EHBP1: variants seen among roughly 807,000 people sequenced by gnomAD.
The protein encoded by EHBP1 is EH domain binding protein 1, also known as EH domain-binding protein 1.
Under a neutral mutation model 144.0 loss-of-function variants are expected in EHBP1, and 55 were observed. The observed-to-expected ratio is 0.38, with a 90% CI of 0.31 to 0.48. The LOEUF is 0.48. EHBP1 is among the 20% of genes least tolerant of loss of function. The pLI, the probability that EHBP1 is intolerant of heterozygous loss-of-function variation, is 0.98. For missense variants in EHBP1, 1,200 were observed against 1,364.2 expected (o/e 0.88, Z 1.90); for synonymous variants, 469 against 472.7 (o/e 0.99, Z 0.10).
chr2:62,937,959 T>C (rs2056492394), intron 10 of EHBP1, among the ~76,000 whole-genome samples: 1 of 152,100 alleles, frequency 6.6e-6, no homozygotes, highest in South Asian at 2.1e-4. Context: ...GAAAGACCTA[T>C]TAGGAAGATT....
intron 19 of EHBP1, among the ~76,000 whole-genome samples, chr2:63,019,931 G>A (rs553871924): frequency 5.3e-5 from 8 of 151,876 alleles, no homozygotes; most frequent in African/African-American, 7.2e-5. Context: ...GCTCATGCCT[G>A]TAATTCTAGC....
intron 9 of EHBP1, among the ~76,000 whole-genome samples, chr2:62,867,513 T>A (rs2050134292): frequency 6.6e-6 from 1 of 152,052 alleles, no homozygotes; most frequent in South Asian, 2.1e-4. Context: ...CAGGGATAAA[T>A]TTGAACAAAG....
intron 2 of EHBP1, among the ~76,000 whole-genome samples, chr2:62,711,104 A>G (rs1430598143): frequency 2.6e-5 from 4 of 152,210 alleles, no homozygotes; most frequent in African/African-American, 9.6e-5. Flanking sequence ...CAGTAATTCA[A>G]ACAGCAGAGT....
Position 62,745,727 on chromosome 2 carries a change from G to A in EHBP1, c.105-1668G>A, listed in dbSNP as rs143005120. On this transcript the variant is annotated intron_variant, in intron 2 of 22. Coordinates refer to ENST00000431489, the MANE Select transcript of EHBP1 (RefSeq NM_001142616.3). ...TAGGGTCTAGATAGATCATTTTAAG[G>A]AGTGAAGCTGGTCAGGTGTGAAGCA... 9.0e-3 allele frequency among the ~76,000 whole-genome samples: 1,376 copies of A among 152,130 alleles called. 15 individuals are homozygous for A. Among genetic ancestry groups the A allele is most frequent in the Middle Eastern group, 0.02 (6 of 294 alleles).
intron 10 of EHBP1, among the ~76,000 whole-genome samples, chr2:62,904,012 G>C (rs756731347): frequency 6.6e-6 from 1 of 151,972 alleles, no homozygotes; most frequent in Non-Finnish European, 1.5e-5. Flanking sequence ...TCTATGTTTT[G>C]GTTTATTTTT....
chr2:62,997,428 A>ATGTG lies in EHBP1; in HGVS notation c.3103+708_3103+711dup, dbSNP rs70962800. ...ACAATAAGCAATTGGAAAGGAACTC[A>ATGTG]TGTGTGTGTGTGTGTGTGTGTGTGT... On this transcript the variant is annotated intron_variant, in intron 19 of 22. Transcript: ENST00000431489. 5.5e-3 allele frequency among the ~76,000 whole-genome samples: 500 copies of ATGTG among 90,568 alleles called. 1 individual carries two copies. Among genetic ancestry groups the ATGTG allele is most frequent in the African/African-American group, 9.0e-3 (220 of 24,426 alleles). The allele number at this position is 90,568 out of a possible 152,430, so 59.4% of individuals were successfully genotyped here.
intron 9 of EHBP1, among the ~76,000 whole-genome samples, chr2:62,867,200 A>T (rs972917225): frequency 2.0e-5 from 3 of 152,148 alleles, no homozygotes; most frequent in Admixed American, 2.0e-4. Flanking sequence ...GTTTTATAAC[A>T]TATAGAAGTA....
intron 5 of EHBP1, among the ~76,000 whole-genome samples, chr2:62,782,569 T>G (rs2042514515): frequency 6.6e-6 from 1 of 152,160 alleles, no homozygotes; most frequent in Non-Finnish European, 1.5e-5. Context: ...TCAGGAAACT[T>G]ACAGTCATAG....
chr2:62,706,447 C>G (rs1440504968), intron 1 of EHBP1: 2 of 152,398 alleles, frequency 1.3e-5, no homozygotes, highest in East Asian at 3.8e-4. Flanking sequence ...AGCATTCCTC[C>G]TGGCTCCCTA....
chr2:62,947,970 C>G (rs576185940), intron 12 of EHBP1, among the ~76,000 whole-genome samples: 60 of 152,210 alleles, frequency 3.9e-4, no homozygotes, highest in Admixed American at 9.2e-4. Flanking sequence ...TTTCTTTATA[C>G]TTTAGTTCCT....
At chr2:62,908,005 A>C (rs1285427881) in intron 10 of EHBP1, among the ~76,000 whole-genome samples, 1 of 152,194 alleles carries the variant, frequency 6.6e-6, no homozygotes, top group African/African-American at 2.4e-5. Flanking sequence ...ACTGGCATCT[A>C]GTGGAATTAT....
chr2:62,925,637 T>A (rs905870366), intron 10 of EHBP1, among the ~76,000 whole-genome samples: 53 of 152,126 alleles, frequency 3.5e-4, no homozygotes, highest in African/African-American at 1.3e-3. Flanking sequence ...ACAATAAAAC[T>A]AGCTGAAAAA....
chr2:63,041,475 T>G (rs1411997803), intron 21 of EHBP1, among the ~76,000 whole-genome samples: 1 of 152,224 alleles, frequency 6.6e-6, no homozygotes, highest in Non-Finnish European at 1.5e-5. Context: ...GATTTATTCC[T>G]GGCTTAGAGT....
intron 5 of EHBP1, among the ~76,000 whole-genome samples, chr2:62,787,349 G>A (rs1273312282): frequency 4.0e-5 from 6 of 151,462 alleles, no homozygotes; most frequent in African/African-American, 9.7e-5. Flanking sequence ...CAATTAATAT[G>A]GATACTCCTG....
At chr2:62,710,563 G>T (rs957212842) in intron 2 of EHBP1, among the ~76,000 whole-genome samples, 4 of 151,424 alleles carry the variant, frequency 2.6e-5, no homozygotes, top group Non-Finnish European at 4.4e-5. Flanking sequence ...ACAATCACAT[G>T]GTTCAAAACT....
intron 14 of EHBP1, among the ~76,000 whole-genome samples, chr2:62,972,321 ACT>A (rs780245349): frequency 6.6e-6 from 1 of 152,052 alleles, no homozygotes; most frequent in Non-Finnish European, 1.5e-5. Context: ...CATTGTCCCT[ACT>A]CTCTAGTCAT....
intron 18 of EHBP1, among the ~76,000 whole-genome samples, chr2:62,994,585 A>G (rs2059558165): frequency 6.6e-6 from 1 of 152,166 alleles, no homozygotes; most frequent in South Asian, 2.1e-4. Flanking sequence ...GCTGCGGGAC[A>G]GAAGCAGGAA....
At chr2:62,943,012 A>C in intron 11 of EHBP1, 116 bp downstream of exon 11, 1 of 747,668 alleles carries the variant, frequency 1.3e-6, no homozygotes, top group Non-Finnish European at 2.1e-6. Context: ...TTATTACCCC[A>C]CCTCTTGCTT....
intron 9 of EHBP1, among the ~76,000 whole-genome samples, chr2:62,870,296 C>A (rs2050357784): frequency 1.3e-5 from 2 of 152,136 alleles, no homozygotes; most frequent in Non-Finnish European, 2.9e-5. Context: ...AGAATGTTAA[C>A]AAAGTAGAGA....
Sources: allele counts gnomAD v4.1 joint callset (sites outside exome capture counted in the v4.1 genomes callset), GRCh38; gene constraint gnomAD v4.1.1; transcripts MANE v1.5; gene names NCBI Gene and HGNC (gene_info 2026-07-23, HGNC 2026-07-21).